CSMD1: variants seen among roughly 807,000 people sequenced by gnomAD.
CSMD1 encodes CUB and Sushi multiple domains 1.
A neutral mutation model predicts 417.5 loss-of-function variants in CSMD1; 213 were observed. The observed-to-expected ratio is 0.51, with a 90% CI of 0.46 to 0.57. The LOEUF (loss-of-function observed/expected upper bound fraction) is 0.57. CSMD1 is among the 20% of genes least tolerant of loss of function. The pLI is 0.00. For synonymous variants in CSMD1, 2,862 were observed against 1,736.8 expected, an observed-to-expected ratio of 1.65 and a Z score of -16.11; for missense variants, 6,923 against 4,529.7, an observed-to-expected ratio of 1.53 and a Z score of -15.17.
chr8:3,423,159 AG>A (rs1813604780), intron 12 of CSMD1, among the ~76,000 whole-genome samples: 1 of 152,212 alleles, frequency 6.6e-6, no homozygotes. Flanking sequence ...AGTTTAATTA[AG>A]GAATGAATTA....
intron 1 of CSMD1, among the ~76,000 whole-genome samples, chr8:4,710,006 A>C (rs1808188721): frequency 2.0e-5 from 3 of 152,246 alleles, no homozygotes; most frequent in African/African-American, 7.2e-5. Flanking sequence ...ATTAAATAAA[A>C]ATATCACTTG....
chr8:4,622,689 A>G (rs1194931439), intron 2 of CSMD1, among the ~76,000 whole-genome samples: 1 of 152,152 alleles, frequency 6.6e-6, no homozygotes, highest in Admixed American at 6.5e-5. Context: ...GTGGATGATG[A>G]TGACAGAATT....
intron 3 of CSMD1, among the ~76,000 whole-genome samples, chr8:4,070,757 G>T (rs111593411): frequency 4.6e-5 from 7 of 152,190 alleles, no homozygotes; most frequent in African/African-American, 1.4e-4. Context: ...CCTCCACCAC[G>T]AGCCTGTCAC....
At chr8:4,945,314 G>A (rs1808295235) in intron 1 of CSMD1, among the ~76,000 whole-genome samples, 1 of 152,144 alleles carries the variant, frequency 6.6e-6, no homozygotes, top group Non-Finnish European at 1.5e-5. Flanking sequence ...AAGTCCTGGA[G>A]ATGGATGATG....
Position 3,387,583 on chromosome 8 carries a change from C to A in CSMD1, c.2693G>T (p.Ser898Ile), listed in dbSNP as rs372497435. Residue 898 changes from serine (S) to isoleucine (I), a missense_variant, in exon 18 of 70, where the codon AGC (serine) becomes ATC (isoleucine). Coordinates refer to ENST00000635120, the MANE Select transcript of CSMD1 (RefSeq NM_033225.6). ...ACTTAGTGTGTACCCCGGGTCACAG[C>A]TGAAAGTCACTGTGGACCTGATGCC... ...DFGIRSTVTFSCDPGYTLSDD... is the reference protein window; with the variant it reads ...DFGIRSTVTFICDPGYTLSDD... 1.2e-6 allele frequency: 2 copies of A among 1,600,408 alleles called. No homozygotes were observed. Among genetic ancestry groups the A allele is most frequent in the South Asian group, 1.1e-5 (1 of 88,378 alleles).
chr8:3,552,910 T>G (rs1234329519), intron 10 of CSMD1, among the ~76,000 whole-genome samples: 1 of 152,158 alleles, frequency 6.6e-6, no homozygotes, highest in Admixed American at 6.5e-5. Context: ...TGATAATTAA[T>G]GGAGATCGGA....
Position 2,991,475 on chromosome 8 carries a change from T to C in CSMD1, c.8377+6536A>G, listed in dbSNP as rs190798051. 4.0e-3 allele frequency among the ~76,000 whole-genome samples: 604 copies of C among 152,300 alleles called. 6 individuals carry two copies. The highest frequency in any genetic ancestry group is 0.012 in the African/African-American group (481 of 41,560). The stretch of plus-strand genomic sequence containing the variant: ...CAGAATCATTTTCTAAAAGGCCAGA[T>C]ATGGCCTTATCCTAAGACTTTTGAA... On this transcript the variant is annotated intron_variant, in intron 54 of 69. Coordinates refer to ENST00000635120, the MANE Select transcript of CSMD1 (RefSeq NM_033225.6).
chr8:4,170,117 C>A (rs953402959), intron 3 of CSMD1, among the ~76,000 whole-genome samples: 2 of 151,766 alleles, frequency 1.3e-5, no homozygotes, highest in Non-Finnish European at 2.9e-5. Context: ...CCTGTTTTCT[C>A]CCTCCAGGGG....
intron 1 of CSMD1, among the ~76,000 whole-genome samples, chr8:4,646,688 T>C (rs770352471): frequency 6.6e-6 from 1 of 152,178 alleles, no homozygotes; most frequent in Non-Finnish European, 1.5e-5. Context: ...AATACCATGC[T>C]CTATTTTAAT....
intron 12 of CSMD1, among the ~76,000 whole-genome samples, chr8:3,462,976 G>C (rs978412725): frequency 1.3e-5 from 2 of 152,162 alleles, no homozygotes; most frequent in Admixed American, 6.5e-5. Flanking sequence ...CAGGCTTGTG[G>C]CCTTGCGCTG....
chr8:3,809,115 C>G (rs1015532516), intron 5 of CSMD1, among the ~76,000 whole-genome samples: 1 of 152,162 alleles, frequency 6.6e-6, no homozygotes, highest in Non-Finnish European at 1.5e-5. Context: ...GGCACATGCT[C>G]TGCCCTCTAT....
At chr8:3,623,916 G>T (rs1361367007) in intron 7 of CSMD1, among the ~76,000 whole-genome samples, 2 of 151,964 alleles carry the variant, frequency 1.3e-5, no homozygotes, top group African/African-American at 4.8e-5. Flanking sequence ...GGCGGAGTTT[G>T]CAGTAAGCTG....
intron 51 of CSMD1, among the ~76,000 whole-genome samples, chr8:3,018,948 T>C (rs1809115494): frequency 1.3e-5 from 2 of 152,128 alleles, no homozygotes; most frequent in African/African-American, 4.8e-5. Context: ...CATGGAGTCT[T>C]ACTCTGTTGA....
At chr8:4,249,771 G>A (rs1026387766) in intron 3 of CSMD1, among the ~76,000 whole-genome samples, 1 of 152,066 alleles carries the variant, frequency 6.6e-6, no homozygotes, top group African/African-American at 2.4e-5. Context: ...GGGAATTAAT[G>A]GGGCACTTGG....
intron 8 of CSMD1, among the ~76,000 whole-genome samples, chr8:3,603,636 A>C (rs1801468518): frequency 6.6e-6 from 1 of 152,226 alleles, no homozygotes. Flanking sequence ...TTATGTCACA[A>C]AGGGGATTTT....
chr8:3,624,611 A>G (rs7833561), intron 7 of CSMD1, among the ~76,000 whole-genome samples: 13,704 of 152,234 alleles, frequency 0.09, 812 homozygotes, highest in African/African-American at 0.16. Flanking sequence ...TTTTATCTGC[A>G]TAACCATCAG....
intron 7 of CSMD1, among the ~76,000 whole-genome samples, chr8:3,636,825 G>A (rs1017095231): frequency 4.6e-5 from 7 of 152,000 alleles, no homozygotes; most frequent in African/African-American, 1.4e-4. Context: ...TTTATTTTTT[G>A]CTATATGAGT....
intron 3 of CSMD1, among the ~76,000 whole-genome samples, chr8:4,047,713 G>T (rs144164941): frequency 6.6e-6 from 1 of 152,190 alleles, no homozygotes; most frequent in African/African-American, 2.4e-5. Flanking sequence ...TAGCTCAGTG[G>T]ATTTTAAATG....
At chr8:4,885,865 A>G (rs187250840) in intron 1 of CSMD1, among the ~76,000 whole-genome samples, 3 of 152,224 alleles carry the variant, frequency 2.0e-5, no homozygotes, top group Non-Finnish European at 2.9e-5. Context: ...ATCTGAAAAC[A>G]AAACAAAAAA....
Sources: allele counts gnomAD v4.1 joint callset (sites outside exome capture counted in the v4.1 genomes callset), GRCh38; gene constraint gnomAD v4.1.1; transcripts MANE v1.5; gene names NCBI Gene and HGNC (gene_info 2026-07-23, HGNC 2026-07-21).